The following ARHGEF10L variants were observed in gnomAD, a reference collection of about 807,000 sequenced individuals.
ARHGEF10L encodes Rho guanine nucleotide exchange factor 10 like.
A neutral mutation model predicts 141.2 loss-of-function variants in ARHGEF10L; 69 were observed. That is an observed-to-expected ratio of 0.49 (90% CI 0.40 to 0.60). The LOEUF is 0.60. ARHGEF10L is among the 20% of genes least tolerant of loss of function. The probability of loss-of-function intolerance (pLI) is 0.00; values close to 1 mark genes in which losing one functional copy is unlikely to be tolerated. For missense variants in ARHGEF10L, 1,482 were observed against 1,734.3 expected (o/e 0.85, Z 2.58); for synonymous variants, 711 against 718.5 (o/e 0.99, Z 0.17).
chr1:17,615,079 G>C lies in ARHGEF10L; in HGVS notation c.727-1015G>C, dbSNP rs187755018. 6.6e-6 allele frequency: 1 copy of C among 152,336 alleles called. No homozygotes were observed. The highest frequency in any genetic ancestry group is 1.5e-5 in the Non-Finnish European group (1 of 68,040). The allele number at this position is 152,336 out of a possible 1,614,324, so 9.4% of individuals were successfully genotyped here. ...CTCTTTAAATGGAAATTAACTAAAA[G>C]TAAATATAATTAGAAATTTGGGTGC... is the stretch of plus-strand genomic sequence containing the variant. On this transcript the variant is annotated intron_variant, in intron 8 of 28. Coordinates refer to ENST00000361221, the MANE Select transcript of ARHGEF10L (RefSeq NM_018125.4). This position sits in a 1 kb window ranked among gnomAD's most constrained non-coding sequence, Gnocchi z 4.7.
At chr1:17,525,871 C>T in the ARHGEF10L span, among the ~76,000 whole-genome samples, 2 of 151,148 alleles carry the variant, frequency 1.3e-5, no homozygotes, top group African/African-American at 2.4e-5. Flanking sequence ...GGTGTGGTGG[C>T]GTGCGCCTGT....
Position 17,621,121 on chromosome 1 carries a change from G to A in ARHGEF10L, c.943-743G>A, listed in dbSNP as rs989285305. On this transcript the variant is annotated intron_variant, in intron 10 of 28. Transcript: ENST00000361221. This position sits in a 1 kb window ranked among gnomAD's most constrained non-coding sequence, Gnocchi z 4.1. ...GTTTAGCCAGAAGCAGAGACCACTCGTGTGGGGGGACGGTACCCCAAGGCC... is the reference window on the plus strand; with the variant it reads ...GTTTAGCCAGAAGCAGAGACCACTCATGTGGGGGGACGGTACCCCAAGGCC... 9.8e-5 allele frequency among the ~76,000 whole-genome samples: 15 copies of A among 152,344 alleles called. No individual in the cohort carries two copies. Among genetic ancestry groups the A allele is most frequent in the Admixed American group, 4.6e-4 (7 of 15,306 alleles).
Position 17,638,015 on chromosome 1 carries a change from G to A in ARHGEF10L, c.2043+12G>A. The A allele has an allele frequency of 6.4e-7, 1 of 1,566,398 alleles. No individual in the cohort carries two copies. ...ACGGCACCTACCAGGTACGTGGCCT[G>A]GCCTGACCTTTTTGGCCTGAGCTCC... On this transcript the variant is annotated intron_variant, in intron 19 of 28. Transcript: ENST00000361221.
chr1:17,520,119 C>T, the ARHGEF10L span, among the ~76,000 whole-genome samples: 13 of 152,204 alleles, frequency 8.5e-5, no homozygotes, highest in Admixed American at 3.3e-4. Flanking sequence ...GTTCTTGCCC[C>T]TCCCTTCCTC....
At chr1:17,695,069 G>A (rs777343418) in intron 27 of ARHGEF10L, 89 bp from the exon 28 acceptor site, 41 of 1,583,136 alleles carry the variant, frequency 2.6e-5, no homozygotes, top group Admixed American at 5.0e-5. Context: ...GGAGGAGCCC[G>A]CTGTGCCAGG....
chr1:17,532,471 C>T, the ARHGEF10L span, among the ~76,000 whole-genome samples: 1 of 152,180 alleles, frequency 6.6e-6, no homozygotes, highest in African/African-American at 2.4e-5. Flanking sequence ...AGTAGGTGGC[C>T]CCCTGGGGCC....
chr1:17,523,889 A>G, the ARHGEF10L span, among the ~76,000 whole-genome samples: 13 of 152,300 alleles, frequency 8.5e-5, no homozygotes, highest in South Asian at 2.3e-3. Context: ...GCACATGCAC[A>G]CAGAGAGTTA....
At chr1:17,535,900 G>A (rs563299304), upstream of ARHGEF10L, among the ~76,000 whole-genome samples, 2 of 152,310 alleles carry the variant, frequency 1.3e-5, no homozygotes, top group South Asian at 4.1e-4. Flanking sequence ...AGACAACAGA[G>A]TCCAGCCTCC....
At chr1:17,538,831 T>A (rs1215876144), upstream of ARHGEF10L, among the ~76,000 whole-genome samples, 1 of 152,126 alleles carries the variant, frequency 6.6e-6, no homozygotes, top group African/African-American at 2.4e-5. Context: ...TAATTGCTGA[T>A]AAGCCCGCGT....
At chr1:17,641,721 G>A (rs757832944) in intron 21 of ARHGEF10L, among the ~76,000 whole-genome samples, 3 of 152,142 alleles carry the variant, frequency 2.0e-5, no homozygotes, top group African/African-American at 4.8e-5. Context: ...GCTCGCGCCT[G>A]TAATCCTAGC....
At position 17,634,457 on chromosome 1, in the gene ARHGEF10L, C is replaced by T. The variant is rs1193066882; in HGVS notation, c.1731-91C>T. The T allele has an allele frequency of 5.6e-6, 9 of 1,602,048 alleles. No individual in the cohort carries two copies. In the African/African-American group the frequency reaches 6.7e-5, roughly 12 times the overall value. On this transcript the variant is annotated intron_variant, in intron 16 of 28. Coordinates refer to ENST00000361221, the MANE Select transcript of ARHGEF10L (RefSeq NM_018125.4). ...TCTCCTTCTATTCCCGATGCCCAGC[C>T]CCATGGCTGGCCCCCAGCGGGGTCA...
intron 1 of ARHGEF10L, among the ~76,000 whole-genome samples, chr1:17,569,738 C>T (rs2077913628): frequency 6.6e-6 from 1 of 152,208 alleles, no homozygotes; most frequent in South Asian, 2.1e-4. Context: ...TCACACCTGC[C>T]CCGTGGGAAA....
At chr1:17,529,789 G>T in the ARHGEF10L span, among the ~76,000 whole-genome samples, 1 of 151,918 alleles carries the variant, frequency 6.6e-6, no homozygotes, top group Non-Finnish European at 1.5e-5. Flanking sequence ...CCTCCCATGG[G>T]GCTTATGGGG....
In ARHGEF10L at chr1:17,639,780, C is replaced by A; in HGVS notation, c.2172-422C>A. 1 of 1,133,222 alleles carries A rather than the reference C, an allele frequency of 8.8e-7. No homozygotes were observed. Among genetic ancestry groups the A allele is most frequent in the Non-Finnish European group, 1.2e-6 (1 of 843,268 alleles). The allele number at this position is 1,133,222 out of a possible 1,614,324, so 70.2% of individuals were successfully genotyped here. A position where few individuals can be genotyped will look rare whatever the true frequency, so the allele number is the denominator to read the frequency against. ...CAGCAAACATTTACTGAGCAACTGTCCCATGCCAGGTGCTGGGAACAGACC... is the reference window on the plus strand; with the variant it reads ...CAGCAAACATTTACTGAGCAACTGTACCATGCCAGGTGCTGGGAACAGACC... On this transcript the variant is annotated intron_variant, in intron 20 of 28. Coordinates refer to ENST00000361221, the MANE Select transcript of ARHGEF10L (RefSeq NM_018125.4). The surrounding 1 kb of genome is among the most constrained non-coding windows in gnomAD (Gnocchi z 4.3).
At chr1:17,666,086 G>T (rs1206662110) in intron 26 of ARHGEF10L, among the ~76,000 whole-genome samples, 2 of 152,204 alleles carry the variant, frequency 1.3e-5, no homozygotes, top group Admixed American at 1.3e-4. Context: ...AGCAGATTGG[G>T]TGAGGCCCAC....
chr1:17,588,633 G>A lies in ARHGEF10L; in HGVS notation c.257+154G>A, dbSNP rs181771611. Reference sequence around the variant, plus strand: ...TGAGGCCCTGTGCCCTGGGGGAAGAGGTCAGTTCCAGAAACTCATGGTACT... The same window carrying A: ...TGAGGCCCTGTGCCCTGGGGGAAGAAGTCAGTTCCAGAAACTCATGGTACT... On this transcript the variant is annotated intron_variant, in intron 4 of 28. Transcript: ENST00000361221. Among the ~76,000 whole-genome samples, 292 of 152,196 alleles carry A rather than the reference G, an allele frequency of 1.9e-3. 3 individuals carry two copies. The highest frequency in any genetic ancestry group is 6.1e-3 in the African/African-American group (253 of 41,526).
the ARHGEF10L span, among the ~76,000 whole-genome samples, chr1:17,529,720 G>T: frequency 6.6e-6 from 1 of 152,160 alleles, no homozygotes; most frequent in Non-Finnish European, 1.5e-5. Flanking sequence ...ATGACAGGAG[G>T]CAGCTATAGG....
chr1:17,587,795 G>A (rs2100652955), intron 3 of ARHGEF10L, 150 bp downstream of exon 3: 7 of 867,272 alleles, frequency 8.1e-6, no homozygotes, highest in Non-Finnish European at 1.0e-5. Context: ...GCTGCAGTCT[G>A]TGGCTTCCCT....
At chr1:17,650,657 C>T (rs1262512168) in intron 22 of ARHGEF10L, among the ~76,000 whole-genome samples, 5 of 150,100 alleles carry the variant, frequency 3.3e-5, no homozygotes, top group African/African-American at 4.9e-5. Flanking sequence ...CACTTGAACC[C>T]GGGAAGCGGA....
Sources: allele counts gnomAD v4.1 joint callset (sites outside exome capture counted in the v4.1 genomes callset), GRCh38; gene constraint gnomAD v4.1.1; non-coding constraint Gnocchi (gnomAD v3.1); transcripts MANE v1.5; gene names NCBI Gene and HGNC (gene_info 2026-07-23, HGNC 2026-07-21).